The following PPDPFL variants were observed in gnomAD, a reference collection of about 807,000 sequenced individuals.
PPDPFL encodes the protein pancreatic progenitor cell differentiation and proliferation factor-like protein.
In PPDPFL, 12 loss-of-function variants were observed where a neutral mutation model predicts 12.6. The observed-to-expected ratio is 0.95, with a 90% CI of 0.61 to 1.54. The LOEUF (loss-of-function observed/expected upper bound fraction) is 1.54. Among genes scored for constraint, PPDPFL ranks in the 40% most tolerant of loss-of-function variants. The pLI, the probability that PPDPFL is intolerant of heterozygous loss-of-function variation, is 0.00. For missense variants in PPDPFL, 114 were observed against 96.0 expected, an observed-to-expected ratio of 1.19 and a Z score of -0.78; for synonymous variants, 24 against 32.7, an observed-to-expected ratio of 0.73 and a Z score of 0.91.
At chr8:49,073,423 C>A (rs1437236906) in intron 2 of PPDPFL, among the ~76,000 whole-genome samples, 2 of 152,098 alleles carry the variant, frequency 1.3e-5, no homozygotes, top group Non-Finnish European at 2.9e-5. Context: ...ATTTCAGAAC[C>A]AAATTAGTAG....
chr8:49,058,373 G>T (rs1808144084), intron 1 of PPDPFL, among the ~76,000 whole-genome samples: 1 of 152,294 alleles, frequency 6.6e-6, no homozygotes. Context: ...TCTACTGGAG[G>T]GCACTCTGCT....
At chr8:49,059,933 T>C (rs1435613737) in intron 1 of PPDPFL, among the ~76,000 whole-genome samples, 2 of 152,212 alleles carry the variant, frequency 1.3e-5, no homozygotes, top group East Asian at 3.9e-4. Flanking sequence ...TTGCCCTCCC[T>C]GGAGTGAAGT....
intron 1 of PPDPFL, among the ~76,000 whole-genome samples, chr8:49,065,448 C>T (rs1226515283): frequency 2.0e-5 from 3 of 152,134 alleles, no homozygotes; most frequent in Non-Finnish European, 4.4e-5. Context: ...ATTTGGCAGC[C>T]AGGCAGGAGA....
chr8:49,074,832 T>C (rs1299454412), intron 4 of PPDPFL: 1 of 1,409,220 alleles, frequency 7.1e-7, no homozygotes, highest in Non-Finnish European at 9.2e-7. Flanking sequence ...TGTAATTTAA[T>C]ATATTTAAAC....
At position 49,057,166 on chromosome 8, in the gene PPDPFL, T is replaced by C. The variant is rs139255573; in HGVS notation, c.-45+2797T>C. Among the ~76,000 whole-genome samples, 537 of 152,354 alleles carry C rather than the reference T, an allele frequency of 3.5e-3. 4 individuals are homozygous for C. The highest frequency in any genetic ancestry group is 0.012 in the African/African-American group (518 of 41,576). On this transcript the variant is annotated intron_variant, in intron 1 of 4. Coordinates refer to the PPDPFL transcript ENST00000517663. The stretch of plus-strand genomic sequence containing the variant: ...AGGCTAAAAAAGCCTTGCCAATATA[T>C]GCATTGTTTTAGCGAATGCACATTA...
At chr8:49,070,695 G>A (rs540230515), upstream of PPDPFL, among the ~76,000 whole-genome samples, 5 of 151,900 alleles carry the variant, frequency 3.3e-5, no homozygotes, top group South Asian at 4.2e-4. Flanking sequence ...AAGGAAGGAC[G>A]GTCAGGTGAA....
At chr8:49,067,410 A>T (rs1266136294), upstream of PPDPFL, among the ~76,000 whole-genome samples, 1 of 152,234 alleles carries the variant, frequency 6.6e-6, no homozygotes, top group East Asian at 1.9e-4. Context: ...AAAATTCTTG[A>T]CATCTTACAT....
intron 1 of PPDPFL, among the ~76,000 whole-genome samples, chr8:49,066,927 C>T (rs1044728542): frequency 6.6e-6 from 1 of 152,096 alleles, no homozygotes; most frequent in African/African-American, 2.4e-5. Flanking sequence ...TGTAAGCTCC[C>T]AGGATCTTTT....
chr8:49,074,126 AC>A lies in PPDPFL; in HGVS notation c.125del (p.Pro42HisfsTer28). 6.2e-7 allele frequency: 1 copy of A among 1,612,498 alleles called. No homozygotes were observed. The highest frequency in any genetic ancestry group is 8.5e-7 in the Non-Finnish European group (1 of 1,178,584). On this transcript the variant is annotated frameshift_variant, in exon 3 of 5. Coordinates refer to ENST00000522267, the MANE Select transcript of PPDPFL (RefSeq NM_001256597.2). LOFTEE classifies it high-confidence loss of function. The part of the protein sequence containing the change: ...DSVNFIDDDK[P>X]QQGLPEVAES... ...CTGTTAACTTCATAGATGACGACAA[AC>A]CACAGCAAGGTACTTAGTTATTTCT...
chr8:49,074,495 G>C (rs1808455335), intron 4 of PPDPFL, 162 bp downstream of exon 4: 2 of 1,538,718 alleles, frequency 1.3e-6, no homozygotes, highest in African/African-American at 2.7e-5. Flanking sequence ...CACTAACAGA[G>C]CTCCCTCCTT....
chr8:49,055,336 C>T (rs1037804974), intron 1 of PPDPFL, among the ~76,000 whole-genome samples: 1 of 152,056 alleles, frequency 6.6e-6, no homozygotes, highest in Non-Finnish European at 1.5e-5. Flanking sequence ...CTCCTTCTTG[C>T]CCCCTTTGTC....
chr8:49,068,691 C>T (rs1055513554), upstream of PPDPFL, among the ~76,000 whole-genome samples: 1 of 151,852 alleles, frequency 6.6e-6, no homozygotes, highest in Non-Finnish European at 1.5e-5. Flanking sequence ...TTAGGTAAGA[C>T]ATAGTTAAAA....
intron 4 of PPDPFL, chr8:49,074,802 AAC>A: frequency 2.1e-6 from 3 of 1,430,050 alleles, no homozygotes; most frequent in Non-Finnish European, 2.7e-6. Flanking sequence ...TTTGAACTCA[AAC>A]ACACTGACTA....
At chr8:49,074,621 A>C (rs1271444954) in intron 4 of PPDPFL, 7 of 1,534,958 alleles carry the variant, frequency 4.6e-6, no homozygotes, top group Non-Finnish European at 6.1e-6. Flanking sequence ...TGAGAATCAG[A>C]GGAAAGGGTC....
intron 1 of PPDPFL, among the ~76,000 whole-genome samples, chr8:49,067,079 A>T (rs1808311608): frequency 6.6e-6 from 1 of 152,264 alleles, no homozygotes; most frequent in Non-Finnish European, 1.5e-5. Flanking sequence ...ATTAATGGAT[A>T]GACTACAGAC....
intron 1 of PPDPFL, among the ~76,000 whole-genome samples, chr8:49,066,109 G>A (rs1185903777): frequency 3.3e-5 from 5 of 152,204 alleles, no homozygotes; most frequent in Admixed American, 2.0e-4. Context: ...GATAAACAAC[G>A]CATTTCTCAC....
chr8:49,055,765 G>GA (rs1255102242), intron 1 of PPDPFL, among the ~76,000 whole-genome samples: 3 of 151,940 alleles, frequency 2.0e-5, no homozygotes, highest in Admixed American at 2.0e-4. Flanking sequence ...TGGCATACAA[G>GA]AAAGACACTA....
intron 2 of PPDPFL, 25 bp downstream of exon 2, chr8:49,072,910 T>A: frequency 1.3e-6 from 2 of 1,577,778 alleles, no homozygotes; most frequent in Non-Finnish European, 1.7e-6. Context: ...CATAGAGACG[T>A]CCCTAGATAA....
upstream of PPDPFL, among the ~76,000 whole-genome samples, chr8:49,069,001 TG>T (rs1422045254): frequency 6.6e-6 from 1 of 152,114 alleles, no homozygotes; most frequent in African/African-American, 2.4e-5. Context: ...AACAGCAAGT[TG>T]AAAATTAAGG....
Sources: gnomAD v4.1 joint callset for allele counts (sites outside exome capture counted in the v4.1 genomes callset) on GRCh38, gnomAD v4.1.1 for gene constraint, MANE v1.5 for transcripts, NCBI Gene and HGNC (gene_info 2026-07-23, HGNC 2026-07-21) for gene names.